The following TTYH1 variants were observed in gnomAD, a reference collection of about 807,000 sequenced individuals.
TTYH1 encodes tweety family member 1, also known as protein tweety homolog 1.
Under a neutral mutation model 61.2 loss-of-function variants are expected in TTYH1, and 33 were observed. The observed-to-expected ratio is 0.54, with a 90% CI of 0.41 to 0.72. The LOEUF (loss-of-function observed/expected upper bound fraction) is 0.72, where lower values mean the gene tolerates loss of function less well. TTYH1 is among the 30% of genes least tolerant of loss of function. The pLI is 0.00. For missense variants in TTYH1, 538 were observed against 575.8 expected, an observed-to-expected ratio of 0.93 and a Z score of 0.67; for synonymous variants, 308 against 266.4, an observed-to-expected ratio of 1.16 and a Z score of -1.52.
Position 54,421,772 on chromosome 19 carries a change from C to G in TTYH1, c.417+384C>G, listed in dbSNP as rs1004351399. ...CGACTTGAGGCTTCAGCTCCGACAT[C>G]AGCTCCAGGATTCTGGGCCCTGGGG... On this transcript the variant is annotated intron_variant, in intron 3 of 13. Coordinates refer to ENST00000376530, the MANE Select transcript of TTYH1 (RefSeq NM_020659.4). This position sits in a 1 kb window ranked among gnomAD's most constrained non-coding sequence, Gnocchi z 4.8. Among the ~76,000 whole-genome samples the G allele has an allele frequency of 2.0e-5, 3 of 152,176 alleles. No homozygotes were observed. Among genetic ancestry groups the G allele is most frequent in the Admixed American group, 2.0e-4 (3 of 15,274 alleles).
At position 54,421,453 on chromosome 19, in the gene TTYH1, C is replaced by CA; in HGVS notation, c.417+68dup. The CA allele has an allele frequency of 9.3e-7, 1 of 1,076,322 alleles. No individual in the cohort carries two copies. The highest frequency in any genetic ancestry group is 1.4e-6 in the Non-Finnish European group (1 of 692,692). 66.7% of individuals were successfully genotyped at this position (1,076,322 alleles called of 1,614,324 possible). ...TGGACGGGCTCCCCACACCCAAGGACAAAGGGATCCAAACTCAGAGCTAAG... is the reference window on the plus strand; with the variant it reads ...TGGACGGGCTCCCCACACCCAAGGACAAAAGGGATCCAAACTCAGAGCTAAG... On this transcript the variant is annotated intron_variant, in intron 3 of 13. Coordinates refer to ENST00000376530, the MANE Select transcript of TTYH1 (RefSeq NM_020659.4). The surrounding 1 kb of genome is among the most constrained non-coding windows in gnomAD (Gnocchi z 4.8).
Position 54,416,343 on chromosome 19 carries a change from G to C in TTYH1, c.126+665G>C, listed in dbSNP as rs1363243425. 1.2e-5 allele frequency: 3 copies of C among 254,626 alleles called. No homozygotes were observed. The highest frequency in any genetic ancestry group is 1.6e-5 in the Non-Finnish European group (2 of 124,684). 15.8% of individuals were successfully genotyped at this position (254,626 alleles called of 1,614,324 possible). A position where few individuals can be genotyped will look rare whatever the true frequency, so the allele number is the denominator to read the frequency against. On this transcript the variant is annotated intron_variant, in intron 1 of 13. Coordinates refer to ENST00000376530, the MANE Select transcript of TTYH1 (RefSeq NM_020659.4). The surrounding 1 kb of genome is among the most constrained non-coding windows in gnomAD (Gnocchi z 7.0). ...CCTCGGGATGACAGACCCGGGTCCC[G>C]AGGGTGGGGCCGGTGTGGGAACCTC... is the stretch of plus-strand genomic sequence containing the variant.
chr19:54,416,868 G>C lies in TTYH1; in HGVS notation c.126+1190G>C. On this transcript the variant is annotated intron_variant, in intron 1 of 13. Transcript: ENST00000376530. The surrounding 1 kb of genome is among the most constrained non-coding windows in gnomAD (Gnocchi z 7.0). ...TCGGCCCAGACTCACGCCCGCTCTG[G>C]CCCGGAGACCTCCCGAAGCCGCACG... 2 of 1,291,542 alleles carry C rather than the reference G, an allele frequency of 1.5e-6. No individual in the cohort carries two copies. Among genetic ancestry groups the C allele is most frequent in the Non-Finnish European group, 2.0e-6 (2 of 987,918 alleles). The allele number at this position is 1,291,542 out of a possible 1,614,324, so 80.0% of individuals were successfully genotyped here.
intron 1 of TTYH1, chr19:54,418,746 A>C: frequency 6.8e-6 from 1 of 146,242 alleles, no homozygotes; most frequent in Non-Finnish European, 1.5e-5. Context: ...CCCTGATCCC[A>C]CACGATTGTG....
At position 54,436,149 on chromosome 19, in the gene TTYH1, C is replaced by A. The variant is rs938323885; in HGVS notation, c.*20C>A. ...ATCTGAGCCCCTCCTCCCGGCTGGA[C>A]TGGAGCCTGGCTCCCCTCTTCGGTG... On this transcript the variant is annotated 3_prime_UTR_variant, in exon 13 of 14. Transcript: ENST00000376530. The surrounding 1 kb of genome is among the most constrained non-coding windows in gnomAD (Gnocchi z 4.3). The A allele has an allele frequency of 2.5e-6, 4 of 1,613,984 alleles. No homozygotes were observed. Among genetic ancestry groups the A allele is most frequent in the Non-Finnish European group, 3.4e-6 (4 of 1,179,980 alleles).
In TTYH1 at chr19:54,415,490, C is replaced by G. The variant is rs1161147249; in HGVS notation, c.-63C>G. The G allele has an allele frequency of 1.5e-6, 2 of 1,305,770 alleles. No homozygotes were observed. Among genetic ancestry groups the G allele is most frequent in the East Asian group, 3.3e-5 (1 of 30,658 alleles). 80.9% of individuals were successfully genotyped at this position (1,305,770 alleles called of 1,614,324 possible). The stretch of plus-strand genomic sequence containing the variant: ...GCCAGACCCCGCGCCGCCCGCGCCC[C>G]GCTCGACTCCGGAGGCTCCCGCAGC... On this transcript the variant is annotated 5_prime_UTR_variant, in exon 1 of 14. Transcript: ENST00000376530. This position sits in a 1 kb window ranked among gnomAD's most constrained non-coding sequence, Gnocchi z 5.2.
chr19:54,422,262 C>A lies in TTYH1; in HGVS notation c.490C>A (p.Pro164Thr). ...GACCACCCTGGAGGAGGTGCTCGAG[C>A]CGCGCACGGAGCTGGTGGCTGCCGC... is the stretch of plus-strand genomic sequence containing the variant. ...ELTTLEEVLE[P>T]RTELVAAARG... Residue 164 changes from proline to threonine, a missense_variant, in exon 4 of 14, where the codon CCG (proline) becomes ACG (threonine). Pro to Thr is a conservative substitution (Grantham distance 38). Around this residue, in one of 3 missense-constraint regions of TTYH1, gnomAD observed 378 missense variants for 401.2 expected, o/e 0.94. Coordinates refer to ENST00000376530, the MANE Select transcript of TTYH1 (RefSeq NM_020659.4). The A allele has an allele frequency of 1.3e-6, 2 of 1,565,676 alleles. No individual in the cohort carries two copies. Among genetic ancestry groups the A allele is most frequent in the East Asian group, 2.3e-5 (1 of 43,080 alleles).
chr19:54,436,107 T>C lies in TTYH1; in HGVS notation c.1331T>C (p.Val444Ala), dbSNP rs1183602779. 1 of 1,614,120 alleles carries C rather than the reference T, an allele frequency of 6.2e-7. No homozygotes were observed. The highest frequency in any genetic ancestry group is 8.5e-7 in the Non-Finnish European group (1 of 1,180,002). Residue 444 changes from valine to alanine, a missense_variant, in exon 13 of 14, where the codon GTG (valine) becomes GCG (alanine). This residue lies in a region of TTYH1 where 378 missense variants were observed against 401.2 expected (regional missense o/e 0.94). Coordinates refer to ENST00000376530, the MANE Select transcript of TTYH1 (RefSeq NM_020659.4). This position sits in a 1 kb window ranked among gnomAD's most constrained non-coding sequence, Gnocchi z 4.3. ...TCCTAGCAGGAATCCAAGCGCTTTG[T>C]GCAGTGGCAGTCGTCTATCTGAGCC... ...PFNPQESKRFVQWQSSI is the reference protein window; with the variant it reads ...PFNPQESKRFAQWQSSI
chr19:54,434,826 A>G lies in TTYH1; in HGVS notation c.1126-716A>G, dbSNP rs2083507133. The G allele has an allele frequency of 6.6e-6, 1 of 152,068 alleles. No individual in the cohort carries two copies. The highest frequency in any genetic ancestry group is 2.4e-5 in the African/African-American group (1 of 41,366). The allele number at this position is 152,068 out of a possible 1,614,324, so 9.4% of individuals were successfully genotyped here. On this transcript the variant is annotated intron_variant, in intron 10 of 13. Coordinates refer to ENST00000376530, the MANE Select transcript of TTYH1 (RefSeq NM_020659.4). The surrounding 1 kb of genome is among the most constrained non-coding windows in gnomAD (Gnocchi z 4.3). ...TAGGCCAGTGATTCTGCCCCCAGGGACACCTGGCTGGGTGAGGAGTTCTGC... is the reference window on the plus strand; with the variant it reads ...TAGGCCAGTGATTCTGCCCCCAGGGGCACCTGGCTGGGTGAGGAGTTCTGC...
At position 54,429,938 on chromosome 19, in the gene TTYH1, G is replaced by A. The variant is rs1411195365; in HGVS notation, c.864G>A (p.Glu288=). 5 of 1,613,986 alleles carry A rather than the reference G, an allele frequency of 3.1e-6. No individual in the cohort carries two copies. The African/African-American group carries it at 4.0e-5, about 13-fold the overall frequency. The part of the protein sequence containing the change: ...PDPYVLNLTQ[E]ETGLSSDILS... ...CTTATGTTCTGAACCTGACCCAGGA[G>A]GAGACAGGGCTCAGCTCAGGTGATT... is the stretch of plus-strand genomic sequence containing the variant. The change falls in exon 7 of 14, where the codon GAG becomes GAA. Residue 288 remains glutamate, a synonymous_variant. Coordinates refer to ENST00000376530, the MANE Select transcript of TTYH1 (RefSeq NM_020659.4). The surrounding 1 kb of genome is among the most constrained non-coding windows in gnomAD (Gnocchi z 5.1).
At chr19:54,424,648 G>C (rs1053491492) in intron 4 of TTYH1, among the ~76,000 whole-genome samples, 1 of 152,234 alleles carries the variant, frequency 6.6e-6, no homozygotes, top group South Asian at 2.1e-4. Context: ...GGGTGAGGCA[G>C]ACCCACCATC....
chr19:54,430,548 A>G lies in TTYH1; in HGVS notation c.884-2A>G. ...TCCTCCCCTCTCCTCCTCCCACTTC[A>G]GACATCCTGAGCTATTATCTCCTCT... is the stretch of plus-strand genomic sequence containing the variant. On this transcript the variant is annotated splice_acceptor_variant, in intron 7 of 13. Coordinates refer to ENST00000376530, the MANE Select transcript of TTYH1 (RefSeq NM_020659.4). LOFTEE classifies it high-confidence loss of function. The G allele has an allele frequency of 6.2e-7, 1 of 1,613,856 alleles. No individual in the cohort carries two copies. Among genetic ancestry groups the G allele is most frequent in the South Asian group, 1.1e-5 (1 of 91,068 alleles).
Position 54,429,983 on chromosome 19 carries a change from C to T in TTYH1, c.883+26C>T, listed in dbSNP as rs770188192. On this transcript the variant is annotated intron_variant, in intron 7 of 13. Transcript: ENST00000376530. The surrounding 1 kb of genome is among the most constrained non-coding windows in gnomAD (Gnocchi z 5.1). ...GTGATTTCCAAGGGCCCGGTGGGTC[C>T]GCCGGGTTGGGCAGTGCAGGCCCTG... 9.3e-6 allele frequency: 15 copies of T among 1,607,230 alleles called. 1 individual carries two copies. Among genetic ancestry groups the T allele is most frequent in the African/African-American group, 5.4e-5 (4 of 74,744 alleles).
At position 54,429,343 on chromosome 19, in the gene TTYH1, C is replaced by A. The variant is rs368670546; in HGVS notation, c.771C>A (p.Ser257Arg). Residue 257 changes from serine (S) to arginine (R), a missense_variant, in exon 6 of 14, where the codon AGC becomes AGA. Around this residue, in one of 3 missense-constraint regions of TTYH1, gnomAD observed 378 missense variants for 401.2 expected, o/e 0.94. Coordinates refer to ENST00000376530, the MANE Select transcript of TTYH1 (RefSeq NM_020659.4). The surrounding 1 kb of genome is among the most constrained non-coding windows in gnomAD (Gnocchi z 5.1). Reference protein sequence around the residue: ...TVMSLLVLVLSWGSMGLEAAT... With the variant: ...TVMSLLVLVLRWGSMGLEAAT... ...TGAGTCTCCTGGTTCTCGTCCTGAGCTGGGGCTCCATGGGCCTGGAGGCAG... is the reference window on the plus strand; with the variant it reads ...TGAGTCTCCTGGTTCTCGTCCTGAGATGGGGCTCCATGGGCCTGGAGGCAG... 6.2e-6 allele frequency: 10 copies of A among 1,614,000 alleles called. No individual in the cohort carries two copies. The highest frequency in any genetic ancestry group is 1.1e-5 in the South Asian group (1 of 91,092).
rs376959503 is a variant in TTYH1, at chr19:54,428,519, C to A, written c.735-788C>A. Among the ~76,000 whole-genome samples, 84 of 152,192 alleles carry A rather than the reference C, an allele frequency of 5.5e-4. 3 individuals carry two copies. In the South Asian group the frequency reaches 0.017, roughly 31 times the overall value. On this transcript the variant is annotated intron_variant, in intron 5 of 13. Coordinates refer to ENST00000376530, the MANE Select transcript of TTYH1 (RefSeq NM_020659.4). ...GGGTTTACAGGCATGAGCTACCATGCCTGGCCCTTCTCCCTGTTTAACAGA... is the reference window on the plus strand; with the variant it reads ...GGGTTTACAGGCATGAGCTACCATGACTGGCCCTTCTCCCTGTTTAACAGA...
chr19:54,417,237 C>G (rs957450451), intron 1 of TTYH1, among the ~76,000 whole-genome samples: 4 of 150,998 alleles, frequency 2.6e-5, no homozygotes, highest in African/African-American at 9.8e-5. Flanking sequence ...CCAACACACT[C>G]ACATGCACAC....
In TTYH1 at chr19:54,422,656, G is replaced by A. The variant is rs180774821; in HGVS notation, c.638+246G>A. Reference sequence around the variant, plus strand: ...AATTATGACGAGGCTGGCCAGGCGCGGTGGCTCAGGCCTGTAATCCCAGCA... The same window carrying A: ...AATTATGACGAGGCTGGCCAGGCGCAGTGGCTCAGGCCTGTAATCCCAGCA... On this transcript the variant is annotated intron_variant, in intron 4 of 13. Transcript: ENST00000376530. 1.2e-3 allele frequency among the ~76,000 whole-genome samples: 181 copies of A among 152,146 alleles called. 1 individual carries two copies. The highest frequency in any genetic ancestry group is 4.3e-3 in the African/African-American group (178 of 41,514).
At chr19:54,426,993 T>C (rs905995923) in intron 5 of TTYH1, among the ~76,000 whole-genome samples, 25 of 151,944 alleles carry the variant, frequency 1.6e-4, no homozygotes, top group Admixed American at 4.6e-4. Context: ...ATAATCATTG[T>C]GTTGGCAATA....
In TTYH1 at chr19:54,419,252, C is replaced by T. The variant is rs749336746; in HGVS notation, c.251C>T (p.Ser84Leu). 6.0e-5 allele frequency: 96 copies of T among 1,607,588 alleles called. No homozygotes were observed. Among genetic ancestry groups the T allele is most frequent in the Non-Finnish European group, 7.9e-5 (93 of 1,179,868 alleles). Residue 84 changes from serine (S) to leucine (L), a missense_variant, in exon 2 of 14, where the codon TCG becomes TTG. Ser to Leu is a moderately radical substitution (Grantham distance 145). Transcript: ENST00000376530. The surrounding 1 kb of genome is among the most constrained non-coding windows in gnomAD (Gnocchi z 6.1). ...PPEPPGSKIP[S>L]PGGGCVTWSC... ...GAGCCCCCCGGGTCCAAGATCCCCT[C>T]GCCCGGGGGAGGCTGCGTCACCTGG...
Sources: allele counts gnomAD v4.1 joint callset (sites outside exome capture counted in the v4.1 genomes callset), GRCh38; gene constraint gnomAD v4.1.1; regional missense constraint gnomAD v4.1.1; non-coding constraint Gnocchi (gnomAD v3.1); transcripts MANE v1.5; gene names NCBI Gene and HGNC (gene_info 2026-07-23, HGNC 2026-07-21).